The following MARK2 variants were observed in gnomAD, a reference collection of about 807,000 sequenced individuals.
MARK2 encodes microtubule affinity regulating kinase 2.
In MARK2, 16 loss-of-function variants were observed where a neutral mutation model predicts 89.8. That is an observed-to-expected ratio of 0.18 (90% confidence interval 0.12 to 0.27). The LOEUF is 0.27. Among genes scored for constraint, MARK2 ranks in the 10% least tolerant of loss-of-function variants. The probability of loss-of-function intolerance (pLI) is 1.00; values close to 1 mark genes in which losing one functional copy is unlikely to be tolerated. For synonymous variants in MARK2, 382 were observed against 399.5 expected (o/e 0.96, Z 0.52); for missense variants, 621 against 1,049.9 (o/e 0.59, Z 5.65).
intron 1 of MARK2, among the ~76,000 whole-genome samples, chr11:63,843,224 C>T (rs777409881): frequency 6.6e-6 from 1 of 152,154 alleles, no homozygotes; most frequent in Non-Finnish European, 1.5e-5. Context: ...GTTGTGAAAG[C>T]AATCAGCAAG....
intron 18 of MARK2, among the ~76,000 whole-genome samples, 185 bp from the exon 19 acceptor site, chr11:63,908,692 C>T (rs1038754179): frequency 6.6e-5 from 10 of 152,204 alleles, no homozygotes; most frequent in South Asian, 4.1e-4. Context: ...TCCTCCCCTT[C>T]GCTGTCCTGA....
chr11:63,883,014 C>T (rs1445053388), intron 1 of MARK2, among the ~76,000 whole-genome samples: 1 of 152,144 alleles, frequency 6.6e-6, no homozygotes, highest in African/African-American at 2.4e-5. Flanking sequence ...CAGGCTGGCT[C>T]TCCTGTGATA....
rs534541443 is a variant in MARK2, at chr11:63,881,676, T to A, written c.55-13483T>A. Among the ~76,000 whole-genome samples, 10 of 152,236 alleles carry A rather than the reference T, an allele frequency of 6.6e-5. No individual in the cohort carries two copies. In the East Asian group the frequency reaches 1.9e-3, roughly 29 times the overall value. On this transcript the variant is annotated intron_variant, in intron 1 of 18. Transcript: ENST00000402010. ...AAGAAATCAATGGGGCTGGGTGTGG[T>A]GGCTCACGCCTGTAATCCCAGCACT...
chr11:63,846,342 C>T (rs917739036), intron 1 of MARK2, among the ~76,000 whole-genome samples: 1 of 151,832 alleles, frequency 6.6e-6, no homozygotes, highest in Non-Finnish European at 1.5e-5. Flanking sequence ...CATAGTGAGA[C>T]CTCATTTCTA....
At position 63,900,892 on chromosome 11, in the gene MARK2, C is replaced by T. The variant is rs749910039; in HGVS notation, c.988+13C>T. ...CCCCGGCGGACAGGTGAGGCTGTGC[C>T]GGGCTGTGAGGTTAAGCTTGCCTAG... On this transcript the variant is annotated intron_variant, in intron 10 of 18. Coordinates refer to ENST00000402010, the MANE Select transcript of MARK2 (RefSeq NM_001039469.3). The surrounding 1 kb of genome is among the most constrained non-coding windows in gnomAD (Gnocchi z 4.7). The T allele has an allele frequency of 9.9e-6, 16 of 1,613,486 alleles. 1 individual carries two copies. Among genetic ancestry groups the T allele is most frequent in the East Asian group, 4.5e-5 (2 of 44,898 alleles).
intron 1 of MARK2, among the ~76,000 whole-genome samples, chr11:63,852,780 C>T (rs2016637166): frequency 6.6e-6 from 1 of 151,870 alleles, no homozygotes; most frequent in Non-Finnish European, 1.5e-5. Flanking sequence ...AGAACATTTT[C>T]ATGTAGTATT....
intron 1 of MARK2, chr11:63,888,412 G>A (rs1029462954): frequency 8.4e-6 from 4 of 476,248 alleles, no homozygotes; most frequent in Admixed American, 1.2e-4. Context: ...CGTGGCTGCA[G>A]TGAGTCTCCT....
At chr11:63,891,257 T>C (rs939087634) in intron 1 of MARK2, among the ~76,000 whole-genome samples, 2 of 152,130 alleles carry the variant, frequency 1.3e-5, no homozygotes, top group African/African-American at 4.8e-5. Context: ...CCTGGCTTGA[T>C]GATGTTGATG....
At chr11:63,842,871 A>T (rs918682299) in intron 1 of MARK2, among the ~76,000 whole-genome samples, 2 of 152,142 alleles carry the variant, frequency 1.3e-5, no homozygotes, top group East Asian at 1.9e-4. Flanking sequence ...GGCTGATGAG[A>T]ACCTGTTTCC....
At position 63,908,402 on chromosome 11, in the gene MARK2, G is replaced by A. The variant is rs540943133; in HGVS notation, c.2006+98G>A. 279 of 1,048,448 alleles carry A rather than the reference G, an allele frequency of 2.7e-4. 5 individuals carry two copies. In the South Asian group the frequency reaches 3.5e-3, roughly 13 times the overall value. The allele number at this position is 1,048,448 out of a possible 1,614,324, so 64.9% of individuals were successfully genotyped here. A position where few individuals can be genotyped will look rare whatever the true frequency, so the allele number is the denominator to read the frequency against. ...CTTCTGCCACTTGGCTCTTCCTCCC[G>A]TGGTTCTGCCCTGTCCCTACCCTCT... On this transcript the variant is annotated intron_variant, in intron 18 of 18. Transcript: ENST00000402010.
intron 1 of MARK2, among the ~76,000 whole-genome samples, chr11:63,888,225 C>T (rs1939519915): frequency 6.6e-6 from 1 of 152,156 alleles, no homozygotes; most frequent in Non-Finnish European, 1.5e-5. Context: ...TCTGCTTACC[C>T]TCCTCCCCAC....
intron 1 of MARK2, among the ~76,000 whole-genome samples, chr11:63,876,641 G>A (rs1237704189): frequency 1.3e-5 from 2 of 152,150 alleles, no homozygotes; most frequent in Non-Finnish European, 1.5e-5. Flanking sequence ...CGTTTATGCC[G>A]CCATTCCTAT....
chr11:63,875,311 G>T lies in MARK2; in HGVS notation c.55-19848G>T, dbSNP rs148100515. 3.1e-3 allele frequency among the ~76,000 whole-genome samples: 472 copies of T among 151,970 alleles called. 1 individual carries two copies. The highest frequency in any genetic ancestry group is 0.014 in the Middle Eastern group (4 of 294). The stretch of plus-strand genomic sequence containing the variant: ...AATTTTTATATTTTTAGTAGAGATG[G>T]GGTTACACCATGTTGTTCAGGCTGG... On this transcript the variant is annotated intron_variant, in intron 1 of 18. Transcript: ENST00000402010.
At chr11:63,855,201 C>A (rs1371309963) in intron 1 of MARK2, among the ~76,000 whole-genome samples, 1 of 152,060 alleles carries the variant, frequency 6.6e-6, no homozygotes, top group Non-Finnish European at 1.5e-5. Context: ...TTCCAGATTG[C>A]TAGTGGGTAA....
At chr11:63,871,102 G>A (rs1489702725) in intron 1 of MARK2, among the ~76,000 whole-genome samples, 2 of 152,154 alleles carry the variant, frequency 1.3e-5, no homozygotes, top group Non-Finnish European at 2.9e-5. Context: ...TTATGTTTGT[G>A]TGTGTGTATA....
intron 1 of MARK2, among the ~76,000 whole-genome samples, chr11:63,848,950 G>A (rs962949451): frequency 6.6e-6 from 1 of 151,428 alleles, no homozygotes; most frequent in Non-Finnish European, 1.5e-5. Flanking sequence ...CTCGTGATCC[G>A]CCCGCCTCGG....
At chr11:63,888,251 G>A (rs772691814) in intron 1 of MARK2, among the ~76,000 whole-genome samples, 513 of 152,276 alleles carry the variant, frequency 3.4e-3, no homozygotes, top group Admixed American at 5.7e-3. Context: ...TCTTGAGGGG[G>A]TGGTTTGCTG....
chr11:63,877,518 G>T (rs971189143), intron 1 of MARK2, among the ~76,000 whole-genome samples: 2 of 151,766 alleles, frequency 1.3e-5, no homozygotes, highest in Non-Finnish European at 2.9e-5. Flanking sequence ...GGGCAACATG[G>T]TGAAACCCCA....
At chr11:63,905,110 T>TG in intron 16 of MARK2, 67 bp downstream of exon 16, 1 of 448,226 alleles carries the variant, frequency 2.2e-6, no homozygotes, top group South Asian at 1.8e-5. Flanking sequence ...CGGGGTGGGT[T>TG]GGGGGTTGGG....
Sources: allele counts gnomAD v4.1 joint callset (sites outside exome capture counted in the v4.1 genomes callset), GRCh38; gene constraint gnomAD v4.1.1; non-coding constraint Gnocchi (gnomAD v3.1); transcripts MANE v1.5; gene names NCBI Gene and HGNC (gene_info 2026-07-23, HGNC 2026-07-21).